Variants in RNF128 observed in about 807,000 individuals in gnomAD.
RNF128 encodes the protein ring finger protein 128.
RNF128 carries 13 observed loss-of-function variants against 26.2 expected under a neutral mutation model. That is an observed-to-expected ratio of 0.50 (90% CI 0.32 to 0.79). The LOEUF (loss-of-function observed/expected upper bound fraction) is 0.79. Among genes scored for constraint, RNF128 ranks in the 30% least tolerant of loss-of-function variants. RNF128 has a pLI of 0.03. For missense variants in RNF128, 315 were observed against 349.7 expected (o/e 0.90, Z 0.79); for synonymous variants, 149 against 142.5 (o/e 1.05, Z -0.32).
intron 2 of RNF128, among the ~76,000 whole-genome samples, chrX:106,777,184 C>T (rs5962749): frequency 0.14 from 15,332 of 110,901 alleles, 2,622 homozygotes; most frequent in African/African-American, 0.48. Context: ...ATATTTGAGA[C>T]ATTGAACTAA....
chrX:106,718,519 C>T (rs1042664706), intron 1 of RNF128, among the ~76,000 whole-genome samples: 4 of 109,959 alleles, frequency 3.6e-5, no homozygotes, highest in African/African-American at 1.3e-4. Flanking sequence ...AAAAAATGTA[C>T]CTCCCCCCAC....
At chrX:106,747,533 C>A (rs758928310) in intron 1 of RNF128, among the ~76,000 whole-genome samples, 1 of 111,112 alleles carries the variant, frequency 9.0e-6, no homozygotes, top group South Asian at 3.8e-4. Context: ...CCTAGCACAG[C>A]CTGACCTCCT....
At chrX:106,694,202 T>C in exon 1 of RNF128, 1 of 1,209,455 alleles carries the variant, frequency 8.3e-7, no homozygotes, top group Non-Finnish European at 1.1e-6. Flanking sequence ...ATGGGAGTGG[T>C]AGGCATCCCT....
At chrX:106,718,747 C>T (rs1243870522) in intron 1 of RNF128, among the ~76,000 whole-genome samples, 1 of 111,918 alleles carries the variant, frequency 8.9e-6, no homozygotes, top group Non-Finnish European at 1.9e-5. Flanking sequence ...TGAAGGCCTG[C>T]TTGTTCCTTG....
In RNF128 at chrX:106,745,585, G is replaced by T. The variant is rs191511229; in HGVS notation, c.484+18188G>T. ...ACTTTATACAAGGGTATGCACTACTGATTTTGTCTGGTTCCTAGTGAAACA... is the reference window on the plus strand; with the variant it reads ...ACTTTATACAAGGGTATGCACTACTTATTTTGTCTGGTTCCTAGTGAAACA... On this transcript the variant is annotated intron_variant, in intron 1 of 6. Coordinates refer to ENST00000255499, the MANE Select transcript of RNF128 (RefSeq NM_194463.2). Among the ~76,000 whole-genome samples the T allele has an allele frequency of 2.7e-4, 30 of 111,783 alleles. 1 individual carries two copies. Among genetic ancestry groups the T allele is most frequent in the Admixed American group, 1.4e-3 (15 of 10,479 alleles).
chrX:106,787,128 G>A (rs150671098), intron 3 of RNF128, among the ~76,000 whole-genome samples: 92 of 110,986 alleles, frequency 8.3e-4, no homozygotes, highest in African/African-American at 2.6e-3. Flanking sequence ...AAAAATCTAC[G>A]TTCACATAAA....
chrX:106,782,848 TC>T lies in RNF128; in HGVS notation c.733-2215del, dbSNP rs201498826. Among the ~76,000 whole-genome samples, 53 of 111,794 alleles carry T rather than the reference TC, an allele frequency of 4.7e-4. No individual in the cohort carries two copies. The East Asian group carries it at 0.014, about 30-fold the overall frequency. ...TCTGATATTTCAAGCAAGACATTCT[TC>T]CTCTTTGAGCATCAGTTTTCTTCTC... On this transcript the variant is annotated intron_variant, in intron 2 of 6. Coordinates refer to ENST00000255499, the MANE Select transcript of RNF128 (RefSeq NM_194463.2).
intron 6 of RNF128, among the ~76,000 whole-genome samples, chrX:106,794,721 A>G (rs976302412): frequency 3.6e-5 from 4 of 111,145 alleles, no homozygotes; most frequent in African/African-American, 1.3e-4. Flanking sequence ...ATACACATAC[A>G]TATACATTAT....
At chrX:106,783,591 C>T (rs1016338817) in intron 2 of RNF128, among the ~76,000 whole-genome samples, 1 of 111,369 alleles carries the variant, frequency 9.0e-6, no homozygotes, top group African/African-American at 3.3e-5. Context: ...TTTTACAGTT[C>T]AAAATAGAAA....
At position 106,702,149 on chromosome X, in the gene RNF128, G is replaced by A. The variant is rs928779161; in HGVS notation, c.406+7741G>A. On this transcript the variant is annotated intron_variant, in intron 1 of 6. Transcript: ENST00000324342. ...CAAACATAATTGCATAAAAATGTAT[G>A]TTTATAAGGAAATCAAGATATAGTA... Among the ~76,000 whole-genome samples, 63 of 110,576 alleles carry A rather than the reference G, an allele frequency of 5.7e-4. 1 individual carries two copies. Among genetic ancestry groups the A allele is most frequent in the African/African-American group, 1.6e-3 (50 of 30,370 alleles).
At chrX:106,769,040 T>G (rs886199149) in intron 1 of RNF128, among the ~76,000 whole-genome samples, 21 of 112,348 alleles carry the variant, frequency 1.9e-4, no homozygotes, top group African/African-American at 6.8e-4. Flanking sequence ...GTGAGTTTCT[T>G]AATCCTGAGT....
chrX:106,699,079 G>C (rs1339383874), intron 1 of RNF128, among the ~76,000 whole-genome samples: 2 of 111,659 alleles, frequency 1.8e-5, no homozygotes, highest in Admixed American at 1.9e-4. Context: ...TTTCACCTCT[G>C]CTGCCTCCAT....
intron 1 of RNF128, among the ~76,000 whole-genome samples, chrX:106,768,023 A>G (rs917073426): frequency 2.7e-5 from 3 of 111,743 alleles, no homozygotes; most frequent in African/African-American, 9.8e-5. Flanking sequence ...ACATTTATTG[A>G]TTTGCTTATG....
chrX:106,745,543 A>T (rs1692581650), intron 1 of RNF128, among the ~76,000 whole-genome samples: 1 of 112,037 alleles, frequency 8.9e-6, no homozygotes, highest in African/African-American at 3.2e-5. Flanking sequence ...TATTCAAACC[A>T]TAGCAGGAGG....
chrX:106,766,153 G>C (rs1260675223), intron 1 of RNF128, among the ~76,000 whole-genome samples: 3 of 111,891 alleles, frequency 2.7e-5, no homozygotes, highest in Non-Finnish European at 5.6e-5. Context: ...CTATGCTATT[G>C]TGAATAGTGC....
At position 106,726,943 on chromosome X, in the gene RNF128, C is replaced by T; in HGVS notation, c.30C>T (p.Ser10=). The T allele has an allele frequency of 1.7e-6, 2 of 1,182,712 alleles. No individual in the cohort carries two copies. The highest frequency in any genetic ancestry group is 2.3e-6 in the Non-Finnish European group (2 of 881,529). Residue 10 remains serine, a synonymous_variant, in exon 1 of 7, where the codon TCC becomes TCT. Coordinates refer to ENST00000255499, the MANE Select transcript of RNF128 (RefSeq NM_194463.2). ...GGCCGCCGCCTGGGGCCGGGGTCTC[C>T]TGCCGCGGTGGCTGCGGCTTTTCCA... MGPPPGAGV[S]CRGGCGFSRL...
intron 1 of RNF128, among the ~76,000 whole-genome samples, chrX:106,703,102 C>T (rs757033111): frequency 1.8e-5 from 2 of 111,635 alleles, no homozygotes; most frequent in Non-Finnish European, 3.8e-5. Flanking sequence ...TAAGTGAATT[C>T]GTCTCTAGCA....
intron 1 of RNF128, among the ~76,000 whole-genome samples, chrX:106,714,882 G>A (rs1303306116): frequency 9.0e-6 from 1 of 111,423 alleles, no homozygotes; most frequent in Non-Finnish European, 1.9e-5. Flanking sequence ...CATATTAATA[G>A]CTCCTTTCTT....
chrX:106,714,488 C>G (rs918323985), intron 1 of RNF128, among the ~76,000 whole-genome samples: 1 of 111,457 alleles, frequency 9.0e-6, no homozygotes, highest in East Asian at 2.8e-4. Context: ...AGTATCACCT[C>G]GTATAACGAT....
Sources: gnomAD v4.1 joint callset for allele counts (sites outside exome capture counted in the v4.1 genomes callset) on GRCh38, gnomAD v4.1.1 for gene constraint, MANE v1.5 for transcripts, NCBI Gene and HGNC (gene_info 2026-07-23, HGNC 2026-07-21) for gene names.